The following OTOP3 variants were observed in gnomAD, a reference collection of about 807,000 sequenced individuals.
OTOP3 encodes proton channel OTOP3.
OTOP3 carries 41 observed loss-of-function variants against 50.8 expected under a neutral mutation model. That is an observed-to-expected ratio of 0.81 (90% CI 0.63 to 1.05). The LOEUF (loss-of-function observed/expected upper bound fraction) is 1.05, where lower values mean the gene tolerates loss of function less well. Ranked by LOEUF, OTOP3 falls within the 50% of genes least tolerant of loss-of-function variation. The pLI is 0.00. For synonymous variants in OTOP3, 320 were observed against 324.4 expected (o/e 0.99, Z 0.14); for missense variants, 788 against 760.8 (o/e 1.04, Z -0.42).
chr17:74,942,390 G>T (rs2039186663), intron 3 of OTOP3, among the ~76,000 whole-genome samples: 1 of 152,208 alleles, frequency 6.6e-6, no homozygotes, highest in Admixed American at 6.5e-5. Context: ...CAGCACTTTG[G>T]GAGGCCGAGG....
At chr17:74,941,025 C>A (rs2039166135) in intron 1 of OTOP3, among the ~76,000 whole-genome samples, 1 of 152,184 alleles carries the variant, frequency 6.6e-6, no homozygotes. Flanking sequence ...GGCGGAAGGA[C>A]ACCGCTGCCT....
chr17:74,936,022 G>A (rs997027656), intron 1 of OTOP3, 82 bp downstream of exon 1: 79 of 1,526,492 alleles, frequency 5.2e-5, no homozygotes, highest in African/African-American at 1.5e-4. Context: ...CCAAAAGGGG[G>A]GTTCACAAGT....
At chr17:74,936,045 G>A in intron 1 of OTOP3, 105 bp downstream of exon 1, 2 of 1,490,522 alleles carry the variant, frequency 1.3e-6, no homozygotes, top group Non-Finnish European at 1.8e-6. Context: ...GGGCTGCAGG[G>A]ATTGGAACGG....
intron 1 of OTOP3, among the ~76,000 whole-genome samples, chr17:74,938,633 G>A (rs148049381): frequency 2.8e-3 from 430 of 152,302 alleles, no homozygotes; most frequent in East Asian, 0.016. Flanking sequence ...GTTGAAGCCA[G>A]ACCAGGAAGC....
intron 5 of OTOP3, among the ~76,000 whole-genome samples, chr17:74,945,138 G>C (rs2039213479): frequency 6.6e-6 from 1 of 151,938 alleles, no homozygotes; most frequent in African/African-American, 2.4e-5. Context: ...TGTAAAGATG[G>C]AGTCTCACAA....
chr17:74,940,218 G>C (rs149919040), intron 1 of OTOP3, among the ~76,000 whole-genome samples: 1 of 145,362 alleles, frequency 6.9e-6, no homozygotes, highest in Non-Finnish European at 1.5e-5. Flanking sequence ...TGTTAGCCAG[G>C]CTGGTCTTGA....
chr17:74,944,653 A>G (rs967120622), intron 5 of OTOP3, among the ~76,000 whole-genome samples: 1 of 152,196 alleles, frequency 6.6e-6, no homozygotes, highest in Admixed American at 6.5e-5. Context: ...GCTACTCAGG[A>G]GGCTGAGGCA....
In OTOP3 at chr17:74,943,612, C is replaced by T; in HGVS notation, c.639C>T (p.Gly213=). The T allele has an allele frequency of 3.1e-6, 5 of 1,613,732 alleles. No individual in the cohort carries two copies. The highest frequency in any genetic ancestry group is 3.3e-4 in the Middle Eastern group (2 of 6,062). ...AGTGTGGCATTTCCCCCAGGTGTGG[C>T]CTGATGCTGACCCTGGCCACAAACC... ...VRVQTNFTRC[G]LMLTLATNLL... is the part of the protein sequence containing the mutation. Residue 213 remains glycine, a synonymous_variant, in exon 5 of 7, where the codon GGC becomes GGT. Transcript: ENST00000328801.
At position 74,943,671 on chromosome 17, in the gene OTOP3, C is replaced by A; in HGVS notation, c.698C>A (p.Ser233Tyr). 1 of 1,612,694 alleles carries A rather than the reference C, an allele frequency of 6.2e-7. No homozygotes were observed. Among genetic ancestry groups the A allele is most frequent in the East Asian group, 2.2e-5 (1 of 44,880 alleles). The change falls in exon 5 of 7, where the codon TCC (serine) becomes TAC (tyrosine). Residue 233 changes from serine to tyrosine, a missense_variant. Coordinates refer to ENST00000328801, the MANE Select transcript of OTOP3 (RefSeq NM_001272005.2). ...TGGGTTCTGGCCGTTACCAATGACT[C>A]CATGCACCGAGAGATCGAAGCTGAG... ...LLWVLAVTNDSMHREIEAELG... is the reference protein window; with the variant it reads ...LLWVLAVTNDYMHREIEAELG...
At chr17:74,946,586 G>C (rs1274162599) in intron 5 of OTOP3, 75 bp from the exon 6 acceptor site, 1 of 1,293,724 alleles carries the variant, frequency 7.7e-7, no homozygotes, top group Non-Finnish European at 1.1e-6. Flanking sequence ...GGGAATGGGA[G>C]GTATCTGTGT....
At chr17:74,942,106 CCCA>C (rs1201327021) in intron 3 of OTOP3, 69 bp downstream of exon 3, 12 of 1,523,468 alleles carry the variant, frequency 7.9e-6, no homozygotes, top group African/African-American at 1.4e-5. Context: ...GCACACACCT[CCCA>C]CTACCTATGC....
At chr17:74,942,357 G>A (rs1444277802) in intron 3 of OTOP3, among the ~76,000 whole-genome samples, 2 of 152,222 alleles carry the variant, frequency 1.3e-5, no homozygotes, top group Non-Finnish European at 2.9e-5. Flanking sequence ...TCGGCAGGGC[G>A]CAGTGGCTCA....
chr17:74,945,044 C>T (rs1212573744), intron 5 of OTOP3, among the ~76,000 whole-genome samples: 3 of 152,006 alleles, frequency 2.0e-5, no homozygotes, highest in Admixed American at 2.0e-4. Context: ...AACTTCTGGG[C>T]TCAAGCGATC....
chr17:74,936,541 C>A (rs1432752312), intron 1 of OTOP3, among the ~76,000 whole-genome samples: 2 of 152,170 alleles, frequency 1.3e-5, no homozygotes, highest in Non-Finnish European at 2.9e-5. Context: ...GGTGCCCTTG[C>A]CCCAGCCTTC....
intron 5 of OTOP3, among the ~76,000 whole-genome samples, chr17:74,945,986 T>G (rs1164102000): frequency 1.1e-3 from 31 of 27,004 alleles, no homozygotes; most frequent in Admixed American, 3.7e-3. Context: ...TTTTTGTGGT[T>G]TTTTTTTTTG....
intron 1 of OTOP3, among the ~76,000 whole-genome samples, chr17:74,940,124 C>A (rs2039156638): frequency 8.0e-6 from 1 of 124,502 alleles, no homozygotes; most frequent in African/African-American, 3.1e-5. Flanking sequence ...CACACACACA[C>A]ACACACACAT....
chr17:74,937,174 A>C (rs2144776372), intron 1 of OTOP3, among the ~76,000 whole-genome samples: 1 of 152,164 alleles, frequency 6.6e-6, no homozygotes, highest in Non-Finnish European at 1.5e-5. Context: ...CATGTTCCCC[A>C]GGCTGGTCTC....
chr17:74,942,135 C>T, intron 3 of OTOP3, 98 bp downstream of exon 3: 1 of 1,416,252 alleles, frequency 7.1e-7, no homozygotes. Context: ...AACAGCCACA[C>T]AGGCAAATAC....
rs1016308661 is a variant in OTOP3 at position 74,940,350 on chromosome 17, T to TA, written c.20-1037dup. ...CATAAGTACTGTGCTAATTTTTTTT[T>TA]AAAAAACTAGAACAGTAAAGCTAAA... On this transcript the variant is annotated intron_variant, in intron 1 of 6. Transcript: ENST00000328801. 4.0e-5 allele frequency among the ~76,000 whole-genome samples: 6 copies of TA among 151,766 alleles called. 1 individual carries two copies. Among genetic ancestry groups the TA allele is most frequent in the Middle Eastern group, 3.4e-3 (1 of 294 alleles).
Sources: gnomAD v4.1 joint callset for allele counts (sites outside exome capture counted in the v4.1 genomes callset) on GRCh38, gnomAD v4.1.1 for gene constraint, MANE v1.5 for transcripts, NCBI Gene and HGNC (gene_info 2026-07-23, HGNC 2026-07-21) for gene names.